The following ERBB4 variants were observed in gnomAD, a reference collection of about 807,000 sequenced individuals.
ERBB4 encodes the protein receptor tyrosine-protein kinase erbB-4.
Under a neutral mutation model 158.0 loss-of-function variants are expected in ERBB4, and 42 were observed. The ratio of observed to expected loss-of-function variants is 0.27; its 90% CI spans 0.21 to 0.34. ERBB4 has a LOEUF of 0.34. ERBB4 is among the 10% of genes least tolerant of loss of function. The pLI, the probability that ERBB4 is intolerant of heterozygous loss-of-function variation, is 1.00. For missense variants in ERBB4, 1,333 were observed against 1,624.1 expected (o/e 0.82, Z 3.08); for synonymous variants, 583 against 558.7 (o/e 1.04, Z -0.61).
chr2:211,531,606 G>A (rs571238092), intron 20 of ERBB4, among the ~76,000 whole-genome samples: 1 of 152,142 alleles, frequency 6.6e-6, no homozygotes, highest in South Asian at 2.1e-4. Context: ...AAACTACAAG[G>A]AGATATCATC....
At chr2:212,317,749 T>C (rs1304904652) in intron 1 of ERBB4, among the ~76,000 whole-genome samples, 2 of 151,450 alleles carry the variant, frequency 1.3e-5, no homozygotes, top group African/African-American at 4.8e-5. Flanking sequence ...AGCATACAGA[T>C]ATAAAGTGGT....
intron 1 of ERBB4, among the ~76,000 whole-genome samples, chr2:212,411,780 G>C (rs2091507944): frequency 6.6e-6 from 1 of 151,912 alleles, no homozygotes; most frequent in African/African-American, 2.4e-5. Flanking sequence ...CCCTGACAAG[G>C]GTGAATGCAG....
At chr2:212,148,268 G>A (rs2080750685) in intron 1 of ERBB4, among the ~76,000 whole-genome samples, 1 of 151,850 alleles carries the variant, frequency 6.6e-6, no homozygotes, top group Admixed American at 6.6e-5. Context: ...CTAAAAACTA[G>A]CTGGATTCAG....
chr2:212,360,725 A>C (rs1220935633), intron 1 of ERBB4, among the ~76,000 whole-genome samples: 1 of 151,670 alleles, frequency 6.6e-6, no homozygotes, highest in Non-Finnish European at 1.5e-5. Context: ...ATACTGAAAA[A>C]TCTTTAAAAT....
At position 212,500,066 on chromosome 2, in the gene ERBB4, T is replaced by C. The variant is rs537832036; in HGVS notation, c.82+38383A>G. On this transcript the variant is annotated intron_variant, in intron 1 of 27. Coordinates refer to ENST00000342788, the MANE Select transcript of ERBB4 (RefSeq NM_005235.3). ...TCCCTTTCCCCGGAATTTATTTTTT[T>C]CTCATAGAAACGATAAAGTGTAGTT... Among the ~76,000 whole-genome samples the C allele has an allele frequency of 3.0e-4, 46 of 152,204 alleles. 1 individual carries two copies. The South Asian group carries it at 8.9e-3, about 30-fold the overall frequency.
chr2:211,633,883 G>C (rs971948108), intron 16 of ERBB4, among the ~76,000 whole-genome samples: 1 of 152,128 alleles, frequency 6.6e-6, no homozygotes, highest in African/African-American at 2.4e-5. Flanking sequence ...CTTGAGGCCG[G>C]GCCAGTGGCT....
chr2:212,171,987 T>A (rs1288841038), intron 1 of ERBB4, among the ~76,000 whole-genome samples: 1 of 152,112 alleles, frequency 6.6e-6, no homozygotes, highest in Non-Finnish European at 1.5e-5. Flanking sequence ...ACAGCCAACC[T>A]ACAGAATGGG....
chr2:211,964,194 A>G (rs58478842), intron 2 of ERBB4, among the ~76,000 whole-genome samples: 1,621 of 152,268 alleles, frequency 0.011, 20 homozygotes, highest in African/African-American at 0.036. Context: ...GGTTCATGGT[A>G]TGCTCATTAA....
intron 12 of ERBB4, among the ~76,000 whole-genome samples, chr2:211,683,029 G>A (rs897484452): frequency 1.0e-4 from 15 of 150,198 alleles, no homozygotes; most frequent in African/African-American, 3.7e-4. Flanking sequence ...ATGTTTTTCT[G>A]CATATGTGGC....
intron 3 of ERBB4, among the ~76,000 whole-genome samples, chr2:211,913,627 G>A (rs868593243): frequency 3.1e-4 from 33 of 107,240 alleles, no homozygotes; most frequent in Non-Finnish European, 5.7e-4. Flanking sequence ...ATATGTGTGT[G>A]TGTGTGTGTG....
At position 211,515,325 on chromosome 2, in the gene ERBB4, G is replaced by A. The variant is rs368881945; in HGVS notation, c.2487+46578C>T. On this transcript the variant is annotated intron_variant, in intron 20 of 27. Transcript: ENST00000342788. ...CACAGAAGTAATAGAAAACCCATTA[G>A]AACACACTGTTGGATGAATTCTGGC... is the stretch of plus-strand genomic sequence containing the variant. Among the ~76,000 whole-genome samples the A allele has an allele frequency of 3.3e-5, 5 of 152,190 alleles. No individual in the cohort carries two copies. In the East Asian group the frequency reaches 5.8e-4, roughly 18 times the overall value.
At chr2:211,688,009 G>A (rs2072637847) in intron 12 of ERBB4, among the ~76,000 whole-genome samples, 1 of 152,050 alleles carries the variant, frequency 6.6e-6, no homozygotes, top group African/African-American at 2.4e-5. Context: ...TCTTAAAATC[G>A]GATGCTTTTA....
intron 20 of ERBB4, among the ~76,000 whole-genome samples, chr2:211,434,896 C>A (rs185703327): frequency 1.3e-5 from 2 of 152,150 alleles, no homozygotes; most frequent in Admixed American, 1.3e-4. Flanking sequence ...TACAGATGCA[C>A]GCTTTCAAAT....
At chr2:212,384,993 A>T (rs955929201) in intron 1 of ERBB4, among the ~76,000 whole-genome samples, 1 of 150,380 alleles carries the variant, frequency 6.6e-6, no homozygotes, top group East Asian at 2.0e-4. Context: ...GTTCCACAAT[A>T]TATTATTTTT....
chr2:211,967,954 A>G (rs1397453549), intron 2 of ERBB4, among the ~76,000 whole-genome samples: 2 of 151,956 alleles, frequency 1.3e-5, no homozygotes, highest in African/African-American at 2.4e-5. Context: ...GTATAAAACA[A>G]GGTAGAATCT....
intron 3 of ERBB4, among the ~76,000 whole-genome samples, chr2:211,863,083 T>A (rs1191491523): frequency 6.6e-6 from 1 of 151,930 alleles, no homozygotes; most frequent in Admixed American, 6.5e-5. Flanking sequence ...GCACTCTGTG[T>A]CTAGCTAAAG....
intron 2 of ERBB4, among the ~76,000 whole-genome samples, chr2:212,033,013 T>C (rs991351036): frequency 2.6e-5 from 4 of 151,466 alleles, no homozygotes; most frequent in African/African-American, 9.7e-5. Context: ...TATGTGAGAG[T>C]TGATAGGAAA....
rs2062592876 is a variant in ERBB4, at chr2:211,382,671, C to T, written c.*944G>A. On this transcript the variant is annotated 3_prime_UTR_variant, in exon 28 of 28. Transcript: ENST00000342788. ...ACCACAGAGAACTGTCTCTTAGTTT[C>T]CCTTCTACTCTTCAGACAACCAACG... The T allele has an allele frequency of 4.3e-6, 1 of 232,590 alleles. No homozygotes were observed. The highest frequency in any genetic ancestry group is 5.6e-5 in the Admixed American group (1 of 17,744). 14.4% of individuals were successfully genotyped at this position (232,590 alleles called of 1,614,324 possible).
intron 3 of ERBB4, among the ~76,000 whole-genome samples, chr2:211,846,662 C>T (rs1258558063): frequency 6.6e-6 from 1 of 152,062 alleles, no homozygotes; most frequent in Non-Finnish European, 1.5e-5. Flanking sequence ...CATTATCCTA[C>T]TTTAAATGTC....
Sources: allele counts gnomAD v4.1 joint callset (sites outside exome capture counted in the v4.1 genomes callset), GRCh38; gene constraint gnomAD v4.1.1; transcripts MANE v1.5; gene names NCBI Gene and HGNC (gene_info 2026-07-23, HGNC 2026-07-21).